BMAL1: variants seen among roughly 807,000 people sequenced by gnomAD.
BMAL1 encodes basic helix-loop-helix ARNT like 1.
the BMAL1 span, among the ~76,000 whole-genome samples, chr11:13,367,836 A>G: frequency 6.6e-6 from 1 of 151,490 alleles, no homozygotes; most frequent in African/African-American, 2.4e-5. Flanking sequence ...TTTCTCATTT[A>G]TGGAAGAGTA....
the BMAL1 span, among the ~76,000 whole-genome samples, chr11:13,365,774 C>T: frequency 6.6e-6 from 1 of 152,184 alleles, no homozygotes; most frequent in South Asian, 2.1e-4. Context: ...CGTATTCCCC[C>T]CATTGAAAGA....
At chr11:13,331,850 C>T in the BMAL1 span, among the ~76,000 whole-genome samples, 2 of 151,976 alleles carry the variant, frequency 1.3e-5, no homozygotes, top group Non-Finnish European at 2.9e-5. Flanking sequence ...GGCAGAGGGA[C>T]GTAGGGAAAA....
chr11:13,346,264 T>C, the BMAL1 span, among the ~76,000 whole-genome samples: 1 of 152,242 alleles, frequency 6.6e-6, no homozygotes, highest in Non-Finnish European at 1.5e-5. Context: ...GCCACCAGGC[T>C]GTGCAGAACC....
the BMAL1 span, among the ~76,000 whole-genome samples, chr11:13,324,234 T>A: frequency 6.6e-6 from 1 of 152,192 alleles, no homozygotes; most frequent in Non-Finnish European, 1.5e-5. Context: ...TTTGTGTCAT[T>A]TCCCTGCTCT....
chr11:13,301,643 A>C, the BMAL1 span, among the ~76,000 whole-genome samples: 1 of 152,186 alleles, frequency 6.6e-6, no homozygotes, highest in Admixed American at 6.5e-5. Flanking sequence ...CAAAGGTAAA[A>C]GGCCTGAGTA....
At chr11:13,354,383 C>T in the BMAL1 span, 8 of 1,614,212 alleles carry the variant, frequency 5.0e-6, no homozygotes, top group Non-Finnish European at 5.9e-6. Context: ...ACCTGCTTTC[C>T]AGCTCTCTTG....
the BMAL1 span, chr11:13,372,074 C>G: frequency 2.0e-6 from 3 of 1,534,782 alleles, no homozygotes; most frequent in Non-Finnish European, 2.6e-6. Context: ...TTTTTTGACT[C>G]CCTACCTACA....
chr11:13,363,081 G>A, the BMAL1 span, among the ~76,000 whole-genome samples: 1 of 138,758 alleles, frequency 7.2e-6, no homozygotes, highest in African/African-American at 2.7e-5. Flanking sequence ...TTTGGGCTGG[G>A]GTACAGGCTT....
At chr11:13,377,292 T>C in the BMAL1 span, among the ~76,000 whole-genome samples, 1 of 152,244 alleles carries the variant, frequency 6.6e-6, no homozygotes, top group East Asian at 1.9e-4. Context: ...AAATGCCTCA[T>C]AGACAGAACC....
the BMAL1 span, among the ~76,000 whole-genome samples, chr11:13,284,267 T>TATATATATA: frequency 3.0e-3 from 35 of 11,764 alleles, 1 homozygote; most frequent in South Asian, 0.014. Context: ...TATATATATA[T>TATATATATA]TTTTTTTTTT....
chr11:13,374,242 C>T, the BMAL1 span: 2 of 1,569,554 alleles, frequency 1.3e-6, no homozygotes, highest in South Asian at 1.1e-5. Flanking sequence ...TGAAAGTGTC[C>T]CCTTGCTTCT....
the BMAL1 span, among the ~76,000 whole-genome samples, chr11:13,284,478 C>T: frequency 6.6e-6 from 1 of 150,914 alleles, no homozygotes; most frequent in African/African-American, 2.4e-5. Flanking sequence ...ATTTGGGAGG[C>T]ATGGAAGGAC....
At chr11:13,361,757 C>T in the BMAL1 span, among the ~76,000 whole-genome samples, 1 of 152,060 alleles carries the variant, frequency 6.6e-6, no homozygotes, top group Non-Finnish European at 1.5e-5. Flanking sequence ...CAATAGGAAC[C>T]AGGTTCTTTG....
At chr11:13,356,615 C>T in the BMAL1 span, 1 of 1,071,916 alleles carries the variant, frequency 9.3e-7, no homozygotes, top group Admixed American at 2.3e-5. Context: ...TTAATTGATA[C>T]TGTGGCTGTT....
the BMAL1 span, among the ~76,000 whole-genome samples, chr11:13,336,032 C>T: frequency 6.6e-6 from 1 of 152,170 alleles, no homozygotes; most frequent in East Asian, 1.9e-4. Context: ...CATGCATGCA[C>T]ATGCTTACAA....
the BMAL1 span, among the ~76,000 whole-genome samples, chr11:13,295,726 C>T: frequency 2.0e-5 from 3 of 152,186 alleles, no homozygotes; most frequent in African/African-American, 7.2e-5. Flanking sequence ...AATTTGCATA[C>T]AAGAGTCCAG....
chr11:13,377,982 A>G, the BMAL1 span, among the ~76,000 whole-genome samples: 7 of 152,258 alleles, frequency 4.6e-5, no homozygotes, highest in African/African-American at 1.7e-4. Context: ...TGCTTTAGCC[A>G]TTGTTCATCT....
At chr11:13,281,428 T>A in the BMAL1 span, among the ~76,000 whole-genome samples, 1 of 152,216 alleles carries the variant, frequency 6.6e-6, no homozygotes, top group Non-Finnish European at 1.5e-5. Flanking sequence ...TTATATTTCT[T>A]CTCAAAGTTT....
chr11:13,356,296 C>T, the BMAL1 span: 6 of 459,404 alleles, frequency 1.3e-5, no homozygotes, highest in Middle Eastern at 3.2e-4. Flanking sequence ...CCTTCCCTGC[C>T]AAATAGATAT....
Sources: allele counts gnomAD v4.1 joint callset (sites outside exome capture counted in the v4.1 genomes callset), GRCh38; gene constraint gnomAD v4.1.1; transcripts MANE v1.5; gene names NCBI Gene and HGNC (gene_info 2026-07-23, HGNC 2026-07-21).